Variants in VWA3A observed in about 807,000 individuals in gnomAD.
The protein encoded by VWA3A is von Willebrand factor A domain containing 3A, also known as von Willebrand factor A domain-containing protein 3A.
In VWA3A, 134 loss-of-function variants were observed where a neutral mutation model predicts 160.4. That is an observed-to-expected ratio of 0.84 (90% CI 0.73 to 0.96). The LOEUF is 0.96. Among genes scored for constraint, VWA3A ranks in the 40% least tolerant of loss-of-function variants. VWA3A has a pLI of 0.00. For synonymous variants in VWA3A, 476 were observed against 543.4 expected (o/e 0.88, Z 1.72); for missense variants, 1,310 against 1,447.9 (o/e 0.90, Z 1.55).
intron 16 of VWA3A, among the ~76,000 whole-genome samples, chr16:22,124,000 C>A (rs1442721355): frequency 2.0e-5 from 3 of 151,862 alleles, no homozygotes; most frequent in Non-Finnish European, 4.4e-5. Context: ...CATAGTGAGA[C>A]CCTGTCTCTA....
intron 15 of VWA3A, 87 bp downstream of exon 15, chr16:22,123,252 C>T: frequency 7.6e-7 from 1 of 1,309,638 alleles, no homozygotes; most frequent in South Asian, 1.3e-5. Flanking sequence ...GTCACCAAGC[C>T]ATTGACTCAA....
chr16:22,138,611 G>C (rs2046087612), intron 22 of VWA3A, 99 bp downstream of exon 22: 2 of 1,496,992 alleles, frequency 1.3e-6, no homozygotes, highest in African/African-American at 1.4e-5. Flanking sequence ...CAGGGATGGG[G>C]GTGGGTGCTT....
At chr16:22,123,766 A>T in intron 16 of VWA3A, 59 bp downstream of exon 16, 6 of 1,468,472 alleles carry the variant, frequency 4.1e-6, no homozygotes, top group Non-Finnish European at 5.6e-6. Flanking sequence ...CGTGACATTT[A>T]TCCGCCTCAT....
chr16:22,146,626 T>C lies in VWA3A; in HGVS notation c.2839+282T>C, dbSNP rs2046255831. On this transcript the variant is annotated intron_variant, in intron 27 of 33. Transcript: ENST00000389398. ...TGATGAAACCCGTCTCTACTAAAAA[T>C]ACAAAAAATTAGCCAGGCATGGTGG... is the stretch of plus-strand genomic sequence containing the variant. Among the ~76,000 whole-genome samples, 2 of 151,892 alleles carry C rather than the reference T, an allele frequency of 1.3e-5. 1 individual carries two copies.
chr16:22,131,540 G>A (rs201944236), intron 18 of VWA3A, 45 bp from the exon 19 acceptor site: 2 of 1,601,712 alleles, frequency 1.2e-6, no homozygotes, highest in Non-Finnish European at 1.7e-6. Flanking sequence ...GTATGCCCTG[G>A]GCATGGGCCA....
chr16:22,099,725 G>A (rs1330804932), intron 3 of VWA3A, among the ~76,000 whole-genome samples: 2 of 152,170 alleles, frequency 1.3e-5, no homozygotes, highest in African/African-American at 4.8e-5. Flanking sequence ...AGTGAGCTAT[G>A]ATCACACCGC....
intron 29 of VWA3A, among the ~76,000 whole-genome samples, chr16:22,150,380 A>G (rs1376680213): frequency 6.6e-6 from 1 of 152,190 alleles, no homozygotes; most frequent in African/African-American, 2.4e-5. Context: ...CAGCCTGGGC[A>G]ACAAGAACGA....
At chr16:22,129,127 C>T (rs1183526833) in intron 17 of VWA3A, among the ~76,000 whole-genome samples, 1 of 150,656 alleles carries the variant, frequency 6.6e-6, no homozygotes, top group African/African-American at 2.4e-5. Context: ...CAGTGGCTCA[C>T]GCTTGTAATC....
At chr16:22,134,674 T>C (rs2046010331) in intron 21 of VWA3A, among the ~76,000 whole-genome samples, 1 of 152,070 alleles carries the variant, frequency 6.6e-6, no homozygotes, top group South Asian at 2.1e-4. Flanking sequence ...GTTTGTTTGT[T>C]TGTTTGTTTG....
intron 17 of VWA3A, among the ~76,000 whole-genome samples, chr16:22,128,108 T>C (rs533757881): frequency 3.1e-4 from 47 of 152,208 alleles, no homozygotes; most frequent in African/African-American, 1.1e-3. Context: ...AGCATGGATA[T>C]GGGGCTGAGA....
intron 29 of VWA3A, 66 bp from the exon 30 acceptor site, chr16:22,150,629 C>T: frequency 2.6e-6 from 4 of 1,520,246 alleles, no homozygotes; most frequent in Non-Finnish European, 3.5e-6. Context: ...TACCTTTAGG[C>T]ATTTGGTTCT....
chr16:22,118,779 A>G (rs1653401356), intron 11 of VWA3A, 123 bp from the exon 12 acceptor site: 4 of 1,320,512 alleles, frequency 3.0e-6, no homozygotes, highest in Non-Finnish European at 4.2e-6. Flanking sequence ...CCAGTGTATA[A>G]GGCCTGGTGG....
In VWA3A at chr16:22,126,246, G is replaced by A. The variant is rs375830766; in HGVS notation, c.1601G>A (p.Arg534Gln). The change falls in exon 17 of 34, where the codon CGG becomes CAG. Residue 534 changes from arginine to glutamine, a missense_variant. Transcript: ENST00000389398. ...ATTATTCATATCCAGCACTCCCTGC[G>A]GCTGCTGCTGGAGGAGCAGTTATCC... ...MYIIHIQHSL[R>Q]LLLEEQLSNK... 79 of 1,613,840 alleles carry A rather than the reference G, an allele frequency of 4.9e-5. No individual in the cohort carries two copies. Among genetic ancestry groups the A allele is most frequent in the Non-Finnish European group, 6.3e-5 (74 of 1,179,854 alleles).
At chr16:22,108,005 G>A (rs1421165283) in intron 6 of VWA3A, among the ~76,000 whole-genome samples, 1 of 152,218 alleles carries the variant, frequency 6.6e-6, no homozygotes, top group Non-Finnish European at 1.5e-5. Flanking sequence ...TCTTGACACA[G>A]TCAAACTGTG....
At position 22,142,674 on chromosome 16, in the gene VWA3A, T is replaced by C; in HGVS notation, c.2501T>C (p.Val834Ala). The change falls in exon 25 of 34, where the codon GTG becomes GCG. Residue 834 changes from valine (V) to alanine (A), a missense_variant. By Grantham distance (64) the Val-to-Ala change is moderately conservative. Coordinates refer to ENST00000389398, the MANE Select transcript of VWA3A (RefSeq NM_173615.5). ...CTCACTCTGCTTCTTCTAGGCTCAG[T>C]GTACAAGAAGTACCCTCAAGGAAGG... Reference protein sequence around the residue: ...YTEKGNDVGSVYKKYPQGRGL... With the variant: ...YTEKGNDVGSAYKKYPQGRGL... 6.4e-7 allele frequency: 1 copy of C among 1,564,096 alleles called. No individual in the cohort carries two copies. Among genetic ancestry groups the C allele is most frequent in the Non-Finnish European group, 8.7e-7 (1 of 1,153,138 alleles).
Position 22,096,878 on chromosome 16 carries a change from T to C in VWA3A, c.34T>C (p.Phe12Leu). Residue 12 changes from phenylalanine to leucine, a missense_variant, in exon 2 of 34, where the codon TTT becomes CTT. Transcript: ENST00000389398. ...CTTTAGGAAAATAAGCATTGGGTGTTTTGCAATGGCTACACAAACTAGTCA... is the reference window on the plus strand; with the variant it reads ...CTTTAGGAAAATAAGCATTGGGTGTCTTGCAATGGCTACACAAACTAGTCA... ...KKYRKISIGC[F>L]AMATQTSHVF... 1 of 1,549,696 alleles carries C rather than the reference T, an allele frequency of 6.5e-7. No individual in the cohort carries two copies.
At chr16:22,125,693 G>A (rs540406100) in intron 16 of VWA3A, among the ~76,000 whole-genome samples, 30 of 152,196 alleles carry the variant, frequency 2.0e-4, no homozygotes, top group African/African-American at 7.0e-4. Flanking sequence ...AGAGTGCTGG[G>A]ATTACAGGCG....
chr16:22,111,667 G>A (rs1257155183), intron 8 of VWA3A, among the ~76,000 whole-genome samples: 2 of 152,068 alleles, frequency 1.3e-5, no homozygotes, highest in Non-Finnish European at 2.9e-5. Flanking sequence ...TTTTTTGGTA[G>A]AGACAGGGTT....
chr16:22,144,189 T>A, intron 25 of VWA3A, 58 bp from the exon 26 acceptor site: 1 of 1,537,056 alleles, frequency 6.5e-7, no homozygotes, highest in Non-Finnish European at 8.8e-7. Context: ...ACCAGTCAGA[T>A]GATCATTCAG....
Sources: allele counts gnomAD v4.1 joint callset (sites outside exome capture counted in the v4.1 genomes callset), GRCh38; gene constraint gnomAD v4.1.1; transcripts MANE v1.5; gene names NCBI Gene and HGNC (gene_info 2026-07-23, HGNC 2026-07-21).